CTNND2: variants seen among roughly 807,000 people sequenced by gnomAD.
CTNND2 encodes catenin delta-2.
CTNND2 carries 22 observed loss-of-function variants against 144.4 expected under a neutral mutation model. The ratio of observed to expected loss-of-function variants is 0.15; its 90% CI spans 0.11 to 0.22. The LOEUF (loss-of-function observed/expected upper bound fraction) is 0.22. Ranked by LOEUF, CTNND2 falls within the 10% of genes least tolerant of loss-of-function variation. The pLI, the probability that CTNND2 is intolerant of heterozygous loss-of-function variation, is 1.00. For missense variants in CTNND2, 1,353 were observed against 1,618.8 expected, an observed-to-expected ratio of 0.84 and a Z score of 2.82; for synonymous variants, 751 against 695.6, an observed-to-expected ratio of 1.08 and a Z score of -1.25.
intron 1 of CTNND2, among the ~76,000 whole-genome samples, chr5:11,891,221 A>G (rs963112386): frequency 6.6e-6 from 1 of 152,250 alleles, no homozygotes; most frequent in African/African-American, 2.4e-5. Flanking sequence ...ATATTGTTCT[A>G]TGTATCACAT....
intron 9 of CTNND2, among the ~76,000 whole-genome samples, chr5:11,309,548 C>T (rs887989856): frequency 6.6e-6 from 1 of 152,190 alleles, no homozygotes; most frequent in Non-Finnish European, 1.5e-5. Flanking sequence ...TTGGAAGTAA[C>T]TAACTTGGTT....
chr5:11,567,160 T>A (rs187841851), intron 2 of CTNND2, among the ~76,000 whole-genome samples: 39 of 152,056 alleles, frequency 2.6e-4, no homozygotes, highest in Middle Eastern at 6.8e-3. Flanking sequence ...TGTATTTTTT[T>A]ATTTTTTTTT....
At position 11,391,566 on chromosome 5, in the gene CTNND2, A is replaced by G. The variant is rs61749824; in HGVS notation, c.612+5465T>C. Among the ~76,000 whole-genome samples the G allele has an allele frequency of 9.4e-3, 1,439 of 152,342 alleles. 32 individuals carry two copies. The highest frequency in any genetic ancestry group is 0.033 in the African/African-American group (1,371 of 41,570). ...GCACACCATTGCTCAAAAAATTTGG[A>G]AAGTTTTCTTTTCAAATCGTCTTCC... On this transcript the variant is annotated intron_variant, in intron 6 of 21. Transcript: ENST00000304623.
At chr5:11,432,859 A>G (rs897222612) in intron 3 of CTNND2, among the ~76,000 whole-genome samples, 1 of 152,150 alleles carries the variant, frequency 6.6e-6, no homozygotes, top group Admixed American at 6.5e-5. Flanking sequence ...TTTATAGGGG[A>G]AAAAATCTGT....
At chr5:11,094,015 T>C (rs1751050418) in intron 15 of CTNND2, among the ~76,000 whole-genome samples, 1 of 152,198 alleles carries the variant, frequency 6.6e-6, no homozygotes, top group East Asian at 1.9e-4. Context: ...ATACAAAAGA[T>C]GATGATAATG....
chr5:11,336,287 C>CTGG (rs761692225), intron 9 of CTNND2, among the ~76,000 whole-genome samples: 11 of 152,204 alleles, frequency 7.2e-5, no homozygotes, highest in Non-Finnish European at 1.5e-4. Context: ...GTTAACAGAA[C>CTGG]TGGCCAAGGT....
chr5:11,709,004 T>C (rs1014536510), intron 2 of CTNND2, among the ~76,000 whole-genome samples: 1 of 152,216 alleles, frequency 6.6e-6, no homozygotes, highest in African/African-American at 2.4e-5. Context: ...TATTGGTTTA[T>C]GAACTTTCTT....
rs1368784592 is a variant in CTNND2, at chr5:11,385,118, C to T, written c.724G>A (p.Asp242Asn). The T allele has an allele frequency of 2.0e-6, 2 of 1,024,642 alleles. No homozygotes were observed. The highest frequency in any genetic ancestry group is 2.3e-6 in the Non-Finnish European group (2 of 857,814). The allele number at this position is 1,024,642 out of a possible 1,614,324, so 63.5% of individuals were successfully genotyped here. A position where few individuals can be genotyped will look rare whatever the true frequency, so the allele number is the denominator to read the frequency against. The change falls in exon 7 of 22, where the codon GAC becomes AAC. Residue 242 changes from aspartate (D) to asparagine (N), a missense_variant. Physicochemically the swap from Asp to Asn is conservative, Grantham distance 23 (BLOSUM62 1). Around this residue, in one of 4 missense-constraint regions of CTNND2, gnomAD observed 708 missense variants for 706.4 expected, o/e 1.00. Coordinates refer to ENST00000304623, the MANE Select transcript of CTNND2 (RefSeq NM_001332.4). ...GCGGCGGCGGCGGCGGGCGGCGCGT[C>T]GGGCAGGTGGAAGGCGCTGCCCAGG... ...PSLGSAFHLPDAPPAAAAAAL... is the reference protein window; with the variant it reads ...PSLGSAFHLPNAPPAAAAAAL...
At chr5:11,128,719 G>T (rs1408833635) in intron 12 of CTNND2, among the ~76,000 whole-genome samples, 4 of 87,646 alleles carry the variant, frequency 4.6e-5, no homozygotes, top group Admixed American at 1.9e-4. Flanking sequence ...AGACCAAAAT[G>T]CCATATATAT....
chr5:11,722,164 C>T (rs999551492), intron 2 of CTNND2, among the ~76,000 whole-genome samples: 5 of 152,174 alleles, frequency 3.3e-5, no homozygotes, highest in African/African-American at 1.2e-4. Flanking sequence ...CAATAATAGA[C>T]TGCTTTAAGA....
At chr5:11,317,315 A>G (rs1751614818) in intron 9 of CTNND2, among the ~76,000 whole-genome samples, 1 of 152,146 alleles carries the variant, frequency 6.6e-6, no homozygotes, top group South Asian at 2.1e-4. Context: ...ACCATATACT[A>G]TGTCCTCTCC....
At chr5:11,070,545 G>C (rs968597400) in intron 16 of CTNND2, among the ~76,000 whole-genome samples, 1 of 152,108 alleles carries the variant, frequency 6.6e-6, no homozygotes, top group Non-Finnish European at 1.5e-5. Flanking sequence ...AGTGAGATGG[G>C]GTAGAGGAAA....
intron 2 of CTNND2, among the ~76,000 whole-genome samples, chr5:11,719,676 A>G (rs1205473547): frequency 6.6e-6 from 1 of 152,222 alleles, no homozygotes; most frequent in East Asian, 1.9e-4. Flanking sequence ...TCAGAGTTTA[A>G]CAACATCTAT....
chr5:11,686,874 A>G (rs1176506048), intron 2 of CTNND2, among the ~76,000 whole-genome samples: 2 of 148,526 alleles, frequency 1.3e-5, no homozygotes, highest in Non-Finnish European at 3.0e-5. Context: ...CATACTACAT[A>G]TACTATATAT....
intron 8 of CTNND2, 111 bp downstream of exon 8, chr5:11,364,585 G>T: frequency 1.3e-6 from 1 of 785,258 alleles, no homozygotes; most frequent in Non-Finnish European, 1.9e-6. Context: ...CACAGTGCTT[G>T]TGGGGATAGT....
chr5:11,219,682 G>T (rs1160369192), intron 10 of CTNND2, among the ~76,000 whole-genome samples: 1 of 152,168 alleles, frequency 6.6e-6, no homozygotes, highest in Non-Finnish European at 1.5e-5. Flanking sequence ...AGAGTCAGAG[G>T]TCAGAATGAT....
At chr5:11,602,711 TATATTATATATTTTATATGTAATATAA>T (rs1401255973) in intron 2 of CTNND2, among the ~76,000 whole-genome samples, 1 of 133,628 alleles carries the variant, frequency 7.5e-6, no homozygotes, top group African/African-American at 3.5e-5. Flanking sequence ...TTTCATATAT[TATATTATATATTTTATATGTAATATAA>T]ATATTATATA....
intron 9 of CTNND2, among the ~76,000 whole-genome samples, chr5:11,298,118 G>A (rs937807350): frequency 6.6e-6 from 1 of 152,104 alleles, no homozygotes. Context: ...CTATGAAAAC[G>A]ATGACAATTT....
intron 16 of CTNND2, among the ~76,000 whole-genome samples, chr5:11,029,768 T>A (rs1743246032): frequency 6.6e-6 from 1 of 152,232 alleles, no homozygotes; most frequent in East Asian, 1.9e-4. Context: ...ATGTACTGAA[T>A]TATGTAGAAA....
Sources: gnomAD v4.1 joint callset for allele counts (sites outside exome capture counted in the v4.1 genomes callset) on GRCh38, gnomAD v4.1.1 for gene constraint, gnomAD v4.1.1 regional missense constraint, MANE v1.5 for transcripts, NCBI Gene and HGNC (gene_info 2026-07-23, HGNC 2026-07-21) for gene names.